Variants in UBN2 observed in about 807,000 individuals in gnomAD.
The protein encoded by UBN2 is ubinuclein-2.
In UBN2, 35 loss-of-function variants were observed where a neutral mutation model predicts 120.2. The observed-to-expected ratio is 0.29, with a 90% CI of 0.22 to 0.39. UBN2 has a LOEUF of 0.39. UBN2 is among the 10% of genes least tolerant of loss of function. UBN2 has a pLI of 1.00. For missense variants in UBN2, 1,693 were observed against 1,663.2 expected, an observed-to-expected ratio of 1.02 and a Z score of -0.31; for synonymous variants, 661 against 648.7, an observed-to-expected ratio of 1.02 and a Z score of -0.29.
intron 15 of UBN2, among the ~76,000 whole-genome samples, chr7:139,286,596 CT>C (rs1188805457): frequency 6.6e-6 from 1 of 151,868 alleles, no homozygotes; most frequent in African/African-American, 2.4e-5. Flanking sequence ...CTTTTTAAGA[CT>C]TTTTTCAACA....
At chr7:139,273,536 T>G (rs2131012218) in intron 10 of UBN2, 126 bp downstream of exon 10, 1 of 613,100 alleles carries the variant, frequency 1.6e-6, no homozygotes, top group African/African-American at 1.9e-5. Flanking sequence ...AGGAAAAAAT[T>G]ATTCAAGAGA....
chr7:139,231,426 C>A lies in UBN2; in HGVS notation c.-59C>A. 1 of 1,244,730 alleles carries A rather than the reference C, an allele frequency of 8.0e-7. No homozygotes were observed. Among genetic ancestry groups the A allele is most frequent in the Non-Finnish European group, 1.0e-6 (1 of 979,836 alleles). The allele number at this position is 1,244,730 out of a possible 1,614,324, so 77.1% of individuals were successfully genotyped here. ...GCAAGAGGAAGGGCGGGCAGGCACG[C>A]AGCGCGCCGTAGAAGCGAGCGCCGG... On this transcript the variant is annotated 5_prime_UTR_variant, in exon 1 of 18. Transcript: ENST00000473989.
chr7:139,256,957 A>G (rs1796781004), intron 3 of UBN2, among the ~76,000 whole-genome samples: 1 of 152,256 alleles, frequency 6.6e-6, no homozygotes, highest in Non-Finnish European at 1.5e-5. Context: ...TTAGCCTTAT[A>G]TTCTTACAGT....
rs1430697321 is a variant in UBN2, at chr7:139,300,902, A to G, written c.*3066A>G. The G allele has an allele frequency of 4.6e-5, 7 of 152,336 alleles. No homozygotes were observed. The highest frequency in any genetic ancestry group is 3.3e-4 in the Admixed American group (5 of 15,302). 9.4% of individuals were successfully genotyped at this position (152,336 alleles called of 1,614,324 possible). A position where few individuals can be genotyped will look rare whatever the true frequency, so the allele number is the denominator to read the frequency against. ...AGAGCATCCAGAATAAATGCAAGCA[A>G]TAATTTCCATTATAATTCAATTATA... is the stretch of plus-strand genomic sequence containing the variant. On this transcript the variant is annotated 3_prime_UTR_variant, in exon 18 of 18. Coordinates refer to ENST00000473989, the MANE Select transcript of UBN2 (RefSeq NM_173569.4).
chr7:139,269,009 C>G (rs1042825583), intron 7 of UBN2, among the ~76,000 whole-genome samples: 7 of 152,084 alleles, frequency 4.6e-5, no homozygotes, highest in African/African-American at 1.2e-4. Flanking sequence ...GAGTTCGAGA[C>G]CAGCCTGACC....
intron 6 of UBN2, among the ~76,000 whole-genome samples, chr7:139,262,392 G>A (rs1019608700): frequency 9.9e-5 from 15 of 152,192 alleles, no homozygotes; most frequent in Middle Eastern, 3.4e-3. Context: ...GACCCACTGC[G>A]CCCAGCCTAG....
intron 6 of UBN2, among the ~76,000 whole-genome samples, chr7:139,261,987 G>C (rs1486006094): frequency 7.1e-6 from 1 of 140,606 alleles, no homozygotes; most frequent in Non-Finnish European, 1.5e-5. Context: ...GTTTCACCGT[G>C]TTAGCCAGGA....
At chr7:139,288,436 A>T (rs1258944276) in intron 15 of UBN2, among the ~76,000 whole-genome samples, 1 of 152,188 alleles carries the variant, frequency 6.6e-6, no homozygotes, top group Non-Finnish European at 1.5e-5. Context: ...AGACACTGAG[A>T]TGGAAAAGAG....
In UBN2 at chr7:139,231,648, G is replaced by C. The variant is rs1796013763; in HGVS notation, c.164G>C (p.Arg55Pro). 6 of 1,215,734 alleles carry C rather than the reference G, an allele frequency of 4.9e-6. No individual in the cohort carries two copies. In the East Asian group the frequency reaches 1.1e-4, roughly 21 times the overall value. 75.3% of individuals were successfully genotyped at this position (1,215,734 alleles called of 1,614,324 possible). The change falls in exon 1 of 18, where the codon CGG becomes CCG. Residue 55 changes from arginine (R) to proline (P), a missense_variant. Physicochemically the swap from Arg to Pro is moderately radical, Grantham distance 103. Coordinates refer to ENST00000473989, the MANE Select transcript of UBN2 (RefSeq NM_173569.4). Reference protein sequence around the residue: ...EPARAEPPAPREPAPRSDAQP... With the variant: ...EPARAEPPAPPEPAPRSDAQP... ...GCCCGGGCGGAGCCGCCGGCCCCGCGGGAGCCTGCCCCCCGCTCGGACGCG... is the reference window on the plus strand; with the variant it reads ...GCCCGGGCGGAGCCGCCGGCCCCGCCGGAGCCTGCCCCCCGCTCGGACGCG...
At chr7:139,319,883 T>C in the UBN2 span, among the ~76,000 whole-genome samples, 196 of 152,230 alleles carry the variant, frequency 1.3e-3, 2 homozygotes, top group African/African-American at 4.5e-3. Flanking sequence ...GCGACCATCC[T>C]GGCTAACATG....
rs534670223 is a variant in UBN2, at chr7:139,293,997, C to G, written c.3994+16C>G. The stretch of plus-strand genomic sequence containing the variant: ...GCATTTCACGGTGAGAACGCCACCT[C>G]CTTCATCTCTTTCTTATTTGTATAG... On this transcript the variant is annotated intron_variant, in intron 17 of 17. Transcript: ENST00000473989. 1.0e-4 allele frequency: 165 copies of G among 1,609,824 alleles called. No individual in the cohort carries two copies. The highest frequency in any genetic ancestry group is 1.4e-4 in the Non-Finnish European group (160 of 1,176,300).
chr7:139,279,181 C>G, intron 12 of UBN2, 137 bp from the exon 13 acceptor site: 1 of 662,164 alleles, frequency 1.5e-6, no homozygotes, highest in Non-Finnish European at 2.6e-6. Flanking sequence ...ATAAACTGAG[C>G]ACTTAAATAC....
the UBN2 span, among the ~76,000 whole-genome samples, chr7:139,326,993 C>G: frequency 6.6e-6 from 1 of 152,156 alleles, no homozygotes; most frequent in Non-Finnish European, 1.5e-5. Flanking sequence ...ACCCCGCATC[C>G]TTTTAATGAA....
At chr7:139,296,148 C>T in intron 17 of UBN2, among the ~76,000 whole-genome samples, 1 of 152,140 alleles carries the variant, frequency 6.6e-6, no homozygotes, top group East Asian at 1.9e-4. Context: ...TAGCTTGGCA[C>T]CTGGTGCATA....
At position 139,284,553 on chromosome 7, in the gene UBN2, A is replaced by C. The variant is rs755128096; in HGVS notation, c.3648A>C (p.Ser1216=). 3 of 1,611,964 alleles carry C rather than the reference A, an allele frequency of 1.9e-6. 1 individual carries two copies. The highest frequency in any genetic ancestry group is 1.7e-5 in the Admixed American group (1 of 59,998). ...GACCATCCACTGCCTCAGGGTCTTC[A>C]GTGGTAACAGCCAGTGTGCAGGTAT... The part of the protein sequence containing the change: ...PHRPSTASGS[S]VVTASVQSTA... Residue 1216 remains serine, a synonymous_variant, in exon 15 of 18, where the codon TCA becomes TCC. Transcript: ENST00000473989.
chr7:139,241,353 T>A (rs1796314827), intron 2 of UBN2, among the ~76,000 whole-genome samples: 2 of 152,214 alleles, frequency 1.3e-5, no homozygotes, highest in South Asian at 4.1e-4. Flanking sequence ...CAGTTAAGAC[T>A]CTTTGAATCT....
intron 3 of UBN2, among the ~76,000 whole-genome samples, chr7:139,253,681 G>T (rs1162978121): frequency 6.6e-6 from 1 of 152,138 alleles, no homozygotes; most frequent in Non-Finnish European, 1.5e-5. Flanking sequence ...GACTGTAGCA[G>T]CCCCTTGATC....
In UBN2 at chr7:139,303,082, A is replaced by T. The variant is rs1293843867; in HGVS notation, c.*5246A>T. ...CTGGAAAATGATTTTTGAAGAAATC[A>T]TATAGCTGCATATCTATCTGTTAAA... On this transcript the variant is annotated 3_prime_UTR_variant, in exon 18 of 18. Transcript: ENST00000473989. 2 of 152,262 alleles carry T rather than the reference A, an allele frequency of 1.3e-5. No homozygotes were observed. The highest frequency in any genetic ancestry group is 2.1e-4 in the South Asian group (1 of 4,832). The allele number at this position is 152,262 out of a possible 1,614,324, so 9.4% of individuals were successfully genotyped here.
intron 7 of UBN2, among the ~76,000 whole-genome samples, chr7:139,268,815 C>T (rs1797175815): frequency 6.6e-6 from 1 of 152,114 alleles, no homozygotes; most frequent in African/African-American, 2.4e-5. Flanking sequence ...ATAGAGTTTG[C>T]CCCTGTAACC....
Sources: gnomAD v4.1 joint callset for allele counts (sites outside exome capture counted in the v4.1 genomes callset) on GRCh38, gnomAD v4.1.1 for gene constraint, MANE v1.5 for transcripts, NCBI Gene and HGNC (gene_info 2026-07-23, HGNC 2026-07-21) for gene names.